The following PTPN1 variants were observed in gnomAD, a reference collection of about 807,000 sequenced individuals.
The protein encoded by PTPN1 is protein tyrosine phosphatase non-receptor type 1.
PTPN1 carries 12 observed loss-of-function variants against 59.9 expected under a neutral mutation model. The observed-to-expected ratio is 0.20, with a 90% CI of 0.13 to 0.32. The LOEUF (loss-of-function observed/expected upper bound fraction) is 0.32, where lower values mean the gene tolerates loss of function less well. Ranked by LOEUF, PTPN1 falls within the 10% of genes least tolerant of loss-of-function variation. The pLI is 1.00. For missense variants in PTPN1, 356 were observed against 549.2 expected, an observed-to-expected ratio of 0.65 and a Z score of 3.52; for synonymous variants, 178 against 203.6, an observed-to-expected ratio of 0.87 and a Z score of 1.07.
chr20:50,530,688 A>ATTT (rs1015765964), intron 1 of PTPN1, among the ~76,000 whole-genome samples: 2 of 135,792 alleles, frequency 1.5e-5, no homozygotes, highest in Admixed American at 7.3e-5. Context: ...CGCCTGGCCA[A>ATTT]TTTTTTTTTT....
chr20:50,574,449 T>C (rs1007089931), intron 4 of PTPN1, 68 bp from the exon 5 acceptor site: 2 of 1,460,554 alleles, frequency 1.4e-6, no homozygotes, highest in Non-Finnish European at 1.8e-6. Flanking sequence ...TGGGATGTGC[T>C]CCAAGCCTCC....
At chr20:50,578,168 G>A (rs1416879679) in intron 5 of PTPN1, 6 of 477,308 alleles carry the variant, frequency 1.3e-5, no homozygotes, top group Non-Finnish European at 1.5e-5. Flanking sequence ...GGAGAAAAGA[G>A]GTGAGGGGAC....
intron 4 of PTPN1, 53 bp from the exon 5 acceptor site, chr20:50,574,464 A>G (rs2082826233): frequency 2.0e-6 from 3 of 1,514,446 alleles, no homozygotes; most frequent in Non-Finnish European, 1.8e-6. Context: ...GCCTCCTGCC[A>G]TAGAAAAACT....
At chr20:50,541,177 T>TG (rs1347824022) in intron 1 of PTPN1, among the ~76,000 whole-genome samples, 1 of 152,094 alleles carries the variant, frequency 6.6e-6, no homozygotes, top group African/African-American at 2.4e-5. Context: ...TGCTAGAAAA[T>TG]GCCCCATGAG....
chr20:50,551,306 A>G (rs931747965), intron 1 of PTPN1, among the ~76,000 whole-genome samples: 9 of 152,206 alleles, frequency 5.9e-5, no homozygotes, highest in Non-Finnish European at 1.5e-5. Flanking sequence ...CCCTTTTAAA[A>G]TCTCCAGCTC....
In PTPN1 at chr20:50,567,133, T is replaced by C. The variant is rs3787341; in HGVS notation, c.256-1247T>C. On this transcript the variant is annotated intron_variant, in intron 3 of 9. Transcript: ENST00000371621. Reference sequence around the variant, plus strand: ...ACTTAAAGGGAGAAGATTTAAAGAATAAGGAGCTTATGGGCCGGGGACGGT... The same window carrying C: ...ACTTAAAGGGAGAAGATTTAAAGAACAAGGAGCTTATGGGCCGGGGACGGT... Among the ~76,000 whole-genome samples, 1,059 of 152,232 alleles carry C rather than the reference T, an allele frequency of 7.0e-3. 35 individuals carry two copies. The East Asian group carries it at 0.077, about 11-fold the overall frequency.
At chr20:50,564,422 C>T (rs898568911) in intron 2 of PTPN1, among the ~76,000 whole-genome samples, 5 of 152,030 alleles carry the variant, frequency 3.3e-5, no homozygotes, top group African/African-American at 1.2e-4. Context: ...GGTGAAACCC[C>T]ATCTCTACTA....
chr20:50,565,827 A>G (rs548731869), intron 3 of PTPN1, among the ~76,000 whole-genome samples: 29 of 152,278 alleles, frequency 1.9e-4, no homozygotes, highest in Non-Finnish European at 3.5e-4. Context: ...GCTTTAGGCC[A>G]CAGGGCGATT....
chr20:50,572,614 C>T (rs571974006), intron 4 of PTPN1: 2 of 152,306 alleles, frequency 1.3e-5, no homozygotes, highest in African/African-American at 2.4e-5. Context: ...GCCTCTTCCT[C>T]CTGCATTTCT....
intron 4 of PTPN1, chr20:50,573,546 C>T (rs993122733): frequency 7.2e-5 from 11 of 152,208 alleles, no homozygotes; most frequent in Admixed American, 1.3e-4. Flanking sequence ...TCCTTTGCCC[C>T]AGAGGAGGTA....
chr20:50,583,053 C>T lies in PTPN1; in HGVS notation c.*338C>T, dbSNP rs745517762. 6.1e-5 allele frequency: 20 copies of T among 328,182 alleles called. No homozygotes were observed. The highest frequency in any genetic ancestry group is 3.0e-4 in the East Asian group (6 of 20,100). 20.3% of individuals were successfully genotyped at this position (328,182 alleles called of 1,614,324 possible). ...GGGCTCCCTCCTGGAGCATCCCAGGCGGGCGGCACGCCAACAGCCCCCCCC... is the reference window on the plus strand; with the variant it reads ...GGGCTCCCTCCTGGAGCATCCCAGGTGGGCGGCACGCCAACAGCCCCCCCC... On this transcript the variant is annotated 3_prime_UTR_variant, in exon 10 of 10. Coordinates refer to ENST00000371621, the MANE Select transcript of PTPN1 (RefSeq NM_002827.4).
chr20:50,546,144 C>T lies in PTPN1; in HGVS notation c.64-15219C>T, dbSNP rs1390772147. ...CGTTTATGAGGGTTGCATGTAACAT[C>T]GCCTAGCTCAGACATCTGTTTGACT... On this transcript the variant is annotated intron_variant, in intron 1 of 9. Coordinates refer to ENST00000371621, the MANE Select transcript of PTPN1 (RefSeq NM_002827.4). Among the ~76,000 whole-genome samples the T allele has an allele frequency of 2.0e-5, 3 of 152,208 alleles. No homozygotes were observed. In the East Asian group the frequency reaches 5.8e-4, roughly 29 times the overall value.
At chr20:50,567,740 G>T (rs767296555) in intron 3 of PTPN1, among the ~76,000 whole-genome samples, 10 of 152,302 alleles carry the variant, frequency 6.6e-5, no homozygotes, top group African/African-American at 9.6e-5. Flanking sequence ...TCCTAAGTTT[G>T]TTGGGCCAAG....
At chr20:50,555,011 G>C (rs1270950058) in intron 1 of PTPN1, among the ~76,000 whole-genome samples, 1 of 152,168 alleles carries the variant, frequency 6.6e-6, no homozygotes, top group Non-Finnish European at 1.5e-5. Context: ...AAAGGATGAA[G>C]ATTGTCAGAT....
intron 5 of PTPN1, among the ~76,000 whole-genome samples, chr20:50,576,835 A>G (rs2082839394): frequency 6.6e-6 from 1 of 152,152 alleles, no homozygotes; most frequent in Non-Finnish European, 1.5e-5. Flanking sequence ...AGATCATGCC[A>G]CTGCATTCCA....
At chr20:50,539,644 CTTTTTTTTTTTTTT>C (rs5841806) in intron 1 of PTPN1, among the ~76,000 whole-genome samples, 1 of 90,548 alleles carries the variant, frequency 1.1e-5, no homozygotes, top group Non-Finnish European at 2.1e-5. Context: ...CTCTTTCTCT[CTTTTTTTTTTTTTT>C]TTTTTTTTTT....
intron 1 of PTPN1, among the ~76,000 whole-genome samples, chr20:50,514,071 A>T (rs570556963): frequency 6.6e-6 from 1 of 152,358 alleles, no homozygotes; most frequent in East Asian, 1.9e-4. Context: ...GACTGATATT[A>T]GATTAACTGG....
At chr20:50,547,061 A>G (rs762523893) in intron 1 of PTPN1, among the ~76,000 whole-genome samples, 3 of 152,220 alleles carry the variant, frequency 2.0e-5, no homozygotes, top group African/African-American at 2.4e-5. Flanking sequence ...AGTGGTTCCA[A>G]TATGTTTTAT....
At chr20:50,545,684 T>C (rs1043098874) in intron 1 of PTPN1, among the ~76,000 whole-genome samples, 3 of 152,132 alleles carry the variant, frequency 2.0e-5, no homozygotes, top group Non-Finnish European at 4.4e-5. Flanking sequence ...GAGGTGCAGC[T>C]AGAGGTTGTG....
Sources: allele counts gnomAD v4.1 joint callset (sites outside exome capture counted in the v4.1 genomes callset), GRCh38; gene constraint gnomAD v4.1.1; transcripts MANE v1.5; gene names NCBI Gene and HGNC (gene_info 2026-07-23, HGNC 2026-07-21).